LNX1: variants seen among roughly 807,000 people sequenced by gnomAD.
LNX1 encodes the protein E3 ubiquitin-protein ligase LNX.
A neutral mutation model predicts 68.4 loss-of-function variants in LNX1; 54 were observed. That is an observed-to-expected ratio of 0.79 (90% CI 0.63 to 0.99). The LOEUF (loss-of-function observed/expected upper bound fraction) is 0.99, where lower values mean the gene tolerates loss of function less well. Among genes scored for constraint, LNX1 ranks in the 50% least tolerant of loss-of-function variants. LNX1 has a pLI of 0.00. For missense variants in LNX1, 906 were observed against 926.4 expected (o/e 0.98, Z 0.29); for synonymous variants, 336 against 350.0 (o/e 0.96, Z 0.45).
At position 53,459,900 on chromosome 4, in the gene LNX1, C is replaced by T. The variant is rs1325563424; in HGVS notation, c.*1007G>A. On this transcript the variant is annotated 3_prime_UTR_variant, in exon 11 of 11. Coordinates refer to ENST00000263925, the MANE Select transcript of LNX1 (RefSeq NM_001126328.3). ...TATCATTACTGCTGTGACACTCTTG[C>T]TTAGTATATTAAGAGACTCATACAT... 4.4e-6 allele frequency: 1 copy of T among 228,188 alleles called. No homozygotes were observed. Among genetic ancestry groups the T allele is most frequent in the Non-Finnish European group, 8.7e-6 (1 of 115,076 alleles). The allele number at this position is 228,188 out of a possible 1,614,324, so 14.1% of individuals were successfully genotyped here.
In LNX1 at chr4:53,635,201, A is replaced by G. The variant is rs1185957849; in HGVS notation, c.-215+16967T>C. ...CCACACCTCTTATCTTTCTTGTCAC[A>G]TGGGGTGAGGATGGGCAGAATGATA... On this transcript the variant is annotated intron_variant, in intron 1 of 2. Transcript: ENST00000507168. Among the ~76,000 whole-genome samples the G allele has an allele frequency of 3.3e-5, 5 of 152,060 alleles. No individual in the cohort carries two copies. The South Asian group carries it at 8.3e-4, about 25-fold the overall frequency.
At chr4:53,473,034 T>C (rs1285803489) in intron 9 of LNX1, among the ~76,000 whole-genome samples, 2 of 152,160 alleles carry the variant, frequency 1.3e-5, no homozygotes, top group Non-Finnish European at 1.5e-5. Context: ...GCCTTGACTA[T>C]GAAATACGGA....
intron 1 of LNX1, among the ~76,000 whole-genome samples, chr4:53,582,407 C>T (rs17083088): frequency 0.3 from 46,206 of 152,046 alleles, 7,125 homozygotes; most frequent in African/African-American, 0.34. Flanking sequence ...GATCACAAAA[C>T]GACCGGATCC....
At chr4:53,600,497 T>A (rs1262527719) in intron 2 of LNX1, among the ~76,000 whole-genome samples, 1 of 152,026 alleles carries the variant, frequency 6.6e-6, no homozygotes, top group Non-Finnish European at 1.5e-5. Flanking sequence ...GCCAAGGAGC[T>A]CATCCCTTTA....
chr4:53,473,923 G>A (rs1425974321), intron 9 of LNX1, among the ~76,000 whole-genome samples: 1 of 152,134 alleles, frequency 6.6e-6, no homozygotes, highest in South Asian at 2.1e-4. Flanking sequence ...TCCCTGAAAA[G>A]CAGCTACAAA....
intron 1 of LNX1, among the ~76,000 whole-genome samples, chr4:53,617,060 A>G (rs1447251427): frequency 1.3e-5 from 2 of 152,202 alleles, no homozygotes; most frequent in African/African-American, 4.8e-5. Flanking sequence ...TGTGCCAGTT[A>G]CTATAGAAAG....
At chr4:53,640,625 C>T (rs533720994) in intron 1 of LNX1, among the ~76,000 whole-genome samples, 1 of 152,308 alleles carries the variant, frequency 6.6e-6, no homozygotes, top group South Asian at 2.1e-4. Context: ...AACCACAATA[C>T]ATCCATAACC....
upstream of LNX1, among the ~76,000 whole-genome samples, chr4:53,619,541 C>G (rs1366507397): frequency 2.6e-5 from 4 of 152,168 alleles, no homozygotes; most frequent in Admixed American, 2.0e-4. Flanking sequence ...GAAAAAAGTA[C>G]TGCCTTCCTT....
At chr4:53,507,725 A>C (rs1232111545) in intron 3 of LNX1, among the ~76,000 whole-genome samples, 1 of 152,192 alleles carries the variant, frequency 6.6e-6, no homozygotes, top group Non-Finnish European at 1.5e-5. Flanking sequence ...CATGGCTGAA[A>C]AATTACTGAC....
At chr4:53,486,836 C>CT (rs1181974885) in intron 6 of LNX1, among the ~76,000 whole-genome samples, 1 of 152,192 alleles carries the variant, frequency 6.6e-6, no homozygotes, top group African/African-American at 2.4e-5. Flanking sequence ...TTTTGCAGAG[C>CT]TATACACTGG....
chr4:53,504,158 C>T (rs1725703669), intron 4 of LNX1, among the ~76,000 whole-genome samples: 1 of 152,198 alleles, frequency 6.6e-6, no homozygotes. Flanking sequence ...AGAAAATCTG[C>T]TTAGTGGAGC....
chr4:53,486,256 G>A (rs1042823381), intron 6 of LNX1, among the ~76,000 whole-genome samples: 2 of 151,508 alleles, frequency 1.3e-5, no homozygotes, highest in Non-Finnish European at 2.9e-5. Flanking sequence ...GCACCATATT[G>A]ATGCCAAACT....
Position 53,570,231 on chromosome 4 carries a change from A to T in LNX1, c.380+3392T>A, listed in dbSNP as rs1448764514. On this transcript the variant is annotated intron_variant, in intron 2 of 10. Coordinates refer to ENST00000263925, the MANE Select transcript of LNX1 (RefSeq NM_001126328.3). ...CATGCACACGTATGTTTATTGCGGCATTATTCACAATAGCAAAGACTTGGA... is the reference window on the plus strand; with the variant it reads ...CATGCACACGTATGTTTATTGCGGCTTTATTCACAATAGCAAAGACTTGGA... 3.5e-3 allele frequency among the ~76,000 whole-genome samples: 515 copies of T among 147,732 alleles called. 14 individuals are homozygous for T. The highest frequency in any genetic ancestry group is 0.033 in the Admixed American group (487 of 14,808).
intron 2 of LNX1, among the ~76,000 whole-genome samples, chr4:53,534,505 T>C (rs1560650792): frequency 6.6e-6 from 1 of 152,222 alleles, no homozygotes; most frequent in East Asian, 1.9e-4. Flanking sequence ...TAGCCAAGCA[T>C]TGAGGACATG....
intron 2 of LNX1, among the ~76,000 whole-genome samples, chr4:53,571,510 G>A (rs538449375): frequency 2.0e-5 from 3 of 152,094 alleles, no homozygotes; most frequent in South Asian, 2.1e-4. Flanking sequence ...AGGAGGCCAC[G>A]AGCCAAGGAA....
chr4:53,575,658 T>G (rs1577742126), intron 1 of LNX1: 1 of 1,359,464 alleles, frequency 7.4e-7, no homozygotes, highest in South Asian at 2.4e-5. Flanking sequence ...TGGCACCAGG[T>G]ATCTGCATCT....
intron 1 of LNX1, chr4:53,575,485 A>G (rs1226443045): frequency 1.0e-6 from 1 of 985,248 alleles, no homozygotes; most frequent in Non-Finnish European, 1.2e-6. Context: ...AGAGACTTAA[A>G]GGATATGCTT....
At chr4:53,642,839 C>G (rs571311676) in intron 1 of LNX1, among the ~76,000 whole-genome samples, 2 of 152,304 alleles carry the variant, frequency 1.3e-5, no homozygotes, top group East Asian at 3.9e-4. Context: ...ATCCCCAGAT[C>G]CCTCCCAGCC....
At chr4:53,538,592 T>A (rs1233457913) in intron 2 of LNX1, among the ~76,000 whole-genome samples, 1 of 152,216 alleles carries the variant, frequency 6.6e-6, no homozygotes, top group African/African-American at 2.4e-5. Context: ...CTTGCTCTGT[T>A]AGATTGCTTA....
Sources: gnomAD v4.1 joint callset for allele counts (sites outside exome capture counted in the v4.1 genomes callset) on GRCh38, gnomAD v4.1.1 for gene constraint, MANE v1.5 for transcripts, NCBI Gene and HGNC (gene_info 2026-07-23, HGNC 2026-07-21) for gene names.